COG5: variants seen among roughly 807,000 people sequenced by gnomAD.
COG5 encodes conserved oligomeric Golgi complex subunit 5.
COG5 carries 86 observed loss-of-function variants against 110.4 expected under a neutral mutation model. The observed-to-expected ratio is 0.78, with a 90% CI of 0.65 to 0.93. The LOEUF is 0.93. Ranked by LOEUF, COG5 falls within the 40% of genes least tolerant of loss-of-function variation. The pLI is 0.00. For missense variants in COG5, 1,077 were observed against 987.0 expected (o/e 1.09, Z -1.22); for synonymous variants, 360 against 334.6 (o/e 1.08, Z -0.83).
chr7:107,498,282 G>A (rs1389273766), intron 6 of COG5, among the ~76,000 whole-genome samples: 1 of 152,130 alleles, frequency 6.6e-6, no homozygotes, highest in African/African-American at 2.4e-5. Context: ...AGACAAGTGC[G>A]ACTACATGAA....
chr7:107,350,029 T>C (rs1030445128), intron 10 of COG5, among the ~76,000 whole-genome samples: 2 of 152,210 alleles, frequency 1.3e-5, no homozygotes, highest in Non-Finnish European at 1.5e-5. Context: ...ATGCCTTTCA[T>C]TAGGTTGAGA....
chr7:107,340,294 G>A (rs992419887), intron 10 of COG5, among the ~76,000 whole-genome samples: 10 of 151,996 alleles, frequency 6.6e-5, no homozygotes, highest in African/African-American at 2.2e-4. Flanking sequence ...TAAATTCTTG[G>A]AAACACACAA....
At chr7:107,415,350 C>A (rs530373632) in intron 6 of COG5, among the ~76,000 whole-genome samples, 3 of 152,096 alleles carry the variant, frequency 2.0e-5, no homozygotes, top group African/African-American at 7.2e-5. Flanking sequence ...CTGAAAAAGA[C>A]TGAAAAGTTT....
chr7:107,324,304 A>G lies in COG5; in HGVS notation c.1108+136T>C, dbSNP rs1809566290. 3 of 610,726 alleles carry G rather than the reference A, an allele frequency of 4.9e-6. No homozygotes were observed. In the African/African-American group the frequency reaches 5.6e-5, roughly 11 times the overall value. 37.8% of individuals were successfully genotyped at this position (610,726 alleles called of 1,614,324 possible). A position where few individuals can be genotyped will look rare whatever the true frequency, so the allele number is the denominator to read the frequency against. ...GAGATTCCAGATTAAACATCTAGAC[A>G]AAATAACAATTAGCCAGGAATTTTA... On this transcript the variant is annotated intron_variant, in intron 11 of 21. Coordinates refer to ENST00000297135, the MANE Select transcript of COG5 (RefSeq NM_006348.5).
chr7:107,404,363 C>A (rs973894087), intron 7 of COG5, among the ~76,000 whole-genome samples: 32 of 152,246 alleles, frequency 2.1e-4, no homozygotes, highest in African/African-American at 7.7e-4. Flanking sequence ...AGTGCGTAAT[C>A]ATTCATGAAT....
intron 6 of COG5, among the ~76,000 whole-genome samples, chr7:107,453,710 A>G (rs1469000545): frequency 6.6e-6 from 1 of 152,170 alleles, no homozygotes; most frequent in Non-Finnish European, 1.5e-5. Context: ...AGAGAGCACA[A>G]TATGGCACAG....
At chr7:107,263,694 A>G (rs1803563949) in intron 14 of COG5, among the ~76,000 whole-genome samples, 1 of 152,244 alleles carries the variant, frequency 6.6e-6, no homozygotes, top group Non-Finnish European at 1.5e-5. Context: ...TTAAAATTTA[A>G]TTATCTGAAC....
chr7:107,398,800 T>C (rs962592365), intron 7 of COG5, among the ~76,000 whole-genome samples: 5 of 151,816 alleles, frequency 3.3e-5, no homozygotes, highest in Non-Finnish European at 7.4e-5. Flanking sequence ...ATTGCCTGGG[T>C]TTGGGGGTAG....
chr7:107,394,815 T>C (rs1026818884), intron 7 of COG5, among the ~76,000 whole-genome samples: 17 of 152,198 alleles, frequency 1.1e-4, no homozygotes, highest in East Asian at 3.8e-4. Context: ...ACCATTAACA[T>C]TGAAACTCTG....
intron 10 of COG5, among the ~76,000 whole-genome samples, chr7:107,348,383 A>C (rs1014344180): frequency 7.9e-5 from 12 of 152,006 alleles, no homozygotes; most frequent in Non-Finnish European, 1.6e-4. Flanking sequence ...CTGTTCCTTG[A>C]AAGTTTGGTA....
intron 6 of COG5, among the ~76,000 whole-genome samples, chr7:107,454,008 AT>A (rs1563044442): frequency 6.6e-6 from 1 of 152,190 alleles, no homozygotes; most frequent in African/African-American, 2.4e-5. Flanking sequence ...TTCATTAATG[AT>A]ACTATTTTAA....
In COG5 at chr7:107,514,410, C is replaced by G. The variant is rs140549342; in HGVS notation, c.538+12827G>C. Reference sequence around the variant, plus strand: ...GTTTATTATGAGGTTATAGCTCAATCAGAAGTCATTTTCTCATTTTCACTT... The same window carrying G: ...GTTTATTATGAGGTTATAGCTCAATGAGAAGTCATTTTCTCATTTTCACTT... On this transcript the variant is annotated intron_variant, in intron 6 of 21. Transcript: ENST00000297135. Among the ~76,000 whole-genome samples the G allele has an allele frequency of 4.4e-3, 670 of 151,678 alleles. 9 individuals are homozygous for G. Among genetic ancestry groups the G allele is most frequent in the African/African-American group, 0.015 (632 of 41,328 alleles).
chr7:107,372,649 T>G lies in COG5; in HGVS notation c.781A>C (p.Asn261His), dbSNP rs761187561. ...GYCATLEENI[N>H]SALDIKVLTQ... ...AAAACTTTTATGTCTAATGCACTGT[T>G]GATATTTTCTTCTAAAGTAGCACAA... is the stretch of plus-strand genomic sequence containing the variant. The change falls in exon 8 of 22, where the codon AAC (asparagine) becomes CAC (histidine). Residue 261 changes from asparagine (N) to histidine (H), a missense_variant. Physicochemically the swap from Asn to His is moderately conservative, Grantham distance 68 (BLOSUM62 1). Coordinates refer to ENST00000297135, the MANE Select transcript of COG5 (RefSeq NM_006348.5). 11 of 1,613,658 alleles carry G rather than the reference T, an allele frequency of 6.8e-6. 1 individual carries two copies.
At chr7:107,290,089 T>C (rs1427731481) in intron 12 of COG5, among the ~76,000 whole-genome samples, 1 of 152,172 alleles carries the variant, frequency 6.6e-6, no homozygotes, top group Non-Finnish European at 1.5e-5. Flanking sequence ...ATGAGACAAA[T>C]GCAGATTTGA....
At chr7:107,517,767 G>T (rs143302892) in intron 6 of COG5, among the ~76,000 whole-genome samples, 2 of 150,940 alleles carry the variant, frequency 1.3e-5, no homozygotes, top group Non-Finnish European at 1.5e-5. Flanking sequence ...GCGCAATCTC[G>T]GCTCACCACA....
At chr7:107,484,640 T>C (rs907119076) in intron 6 of COG5, among the ~76,000 whole-genome samples, 4 of 152,176 alleles carry the variant, frequency 2.6e-5, no homozygotes, top group African/African-American at 9.7e-5. Context: ...CATGGTTGTT[T>C]CTTATATCCC....
chr7:107,487,723 T>TA (rs34602094), intron 6 of COG5, among the ~76,000 whole-genome samples: 2,480 of 143,924 alleles, frequency 0.017, 34 homozygotes, highest in Non-Finnish European at 0.025. Context: ...TCTATACCAG[T>TA]AAAAAAAAAA....
chr7:107,543,816 C>A (rs962393820), intron 5 of COG5, among the ~76,000 whole-genome samples: 7 of 152,172 alleles, frequency 4.6e-5, no homozygotes, highest in African/African-American at 1.4e-4. Flanking sequence ...CACACTCCAA[C>A]AGACACAAAG....
At chr7:107,445,551 G>A (rs772869652) in intron 6 of COG5, among the ~76,000 whole-genome samples, 1 of 152,194 alleles carries the variant, frequency 6.6e-6, no homozygotes, top group Non-Finnish European at 1.5e-5. Flanking sequence ...AATGAAAGAT[G>A]AATTGGAAAA....
Sources: allele counts gnomAD v4.1 joint callset (sites outside exome capture counted in the v4.1 genomes callset), GRCh38; gene constraint gnomAD v4.1.1; transcripts MANE v1.5; gene names NCBI Gene and HGNC (gene_info 2026-07-23, HGNC 2026-07-21).